ASAP1: variants seen among roughly 807,000 people sequenced by gnomAD.
ASAP1 encodes ArfGAP with SH3 domain, ankyrin repeat and PH domain 1.
ASAP1 carries 43 observed loss-of-function variants against 145.2 expected under a neutral mutation model. That is an observed-to-expected ratio of 0.30 (90% CI 0.23 to 0.38). The LOEUF (loss-of-function observed/expected upper bound fraction) is 0.38. Among genes scored for constraint, ASAP1 ranks in the 10% least tolerant of loss-of-function variants. ASAP1 has a pLI of 1.00. For missense variants in ASAP1, 1,018 were observed against 1,355.3 expected (o/e 0.75, Z 3.91); for synonymous variants, 546 against 515.5 (o/e 1.06, Z -0.80).
chr8:130,376,080 G>A (rs1370719131), intron 2 of ASAP1, among the ~76,000 whole-genome samples: 1 of 152,186 alleles, frequency 6.6e-6, no homozygotes, highest in Non-Finnish European at 1.5e-5. Flanking sequence ...GAGCTTCCAG[G>A]AAATGTGGGC....
At chr8:130,311,345 C>T (rs2137541910) in intron 3 of ASAP1, among the ~76,000 whole-genome samples, 1 of 152,348 alleles carries the variant, frequency 6.6e-6, no homozygotes. Flanking sequence ...AAATTTACGT[C>T]TAAAATAACA....
At chr8:130,097,594 T>C (rs1280298664) in intron 24 of ASAP1, among the ~76,000 whole-genome samples, 2 of 152,194 alleles carry the variant, frequency 1.3e-5, no homozygotes, top group Non-Finnish European at 1.5e-5. Flanking sequence ...ATGTCAGAAG[T>C]GTGCCCGGCA....
intron 7 of ASAP1, among the ~76,000 whole-genome samples, chr8:130,182,594 C>A (rs1040567287): frequency 6.6e-6 from 1 of 152,050 alleles, no homozygotes; most frequent in Non-Finnish European, 1.5e-5. Context: ...GAAAGCAGAT[C>A]TCTAATGATG....
chr8:130,268,682 G>A (rs1439854071), intron 3 of ASAP1, among the ~76,000 whole-genome samples: 1 of 152,126 alleles, frequency 6.6e-6, no homozygotes, highest in Non-Finnish European at 1.5e-5. Context: ...AGTTGGGTTA[G>A]AGTAGTGGGA....
At chr8:130,107,893 AGAG>A (rs1305497029) in intron 24 of ASAP1, among the ~76,000 whole-genome samples, 1 of 152,206 alleles carries the variant, frequency 6.6e-6, no homozygotes, top group Non-Finnish European at 1.5e-5. Flanking sequence ...GCTTCTTGGA[AGAG>A]GAGAAGGTGA....
intron 2 of ASAP1, among the ~76,000 whole-genome samples, chr8:130,377,648 C>T (rs1030358512): frequency 6.6e-6 from 1 of 152,232 alleles, no homozygotes; most frequent in African/African-American, 2.4e-5. Flanking sequence ...GCTCCAGACA[C>T]ATCTCAGGGC....
intron 3 of ASAP1, among the ~76,000 whole-genome samples, chr8:130,326,352 G>GT (rs1282200446): frequency 6.6e-6 from 1 of 152,230 alleles, no homozygotes; most frequent in African/African-American, 2.4e-5. Context: ...TGCCTGCAAT[G>GT]TAAGGGCCAC....
At chr8:130,287,610 C>A (rs1054968814) in intron 3 of ASAP1, among the ~76,000 whole-genome samples, 2 of 152,130 alleles carry the variant, frequency 1.3e-5, no homozygotes, top group African/African-American at 4.8e-5. Flanking sequence ...CCAAGGAAGG[C>A]GAGTTCTGTG....
At chr8:130,171,025 A>C (rs1381109289) in intron 9 of ASAP1, among the ~76,000 whole-genome samples, 4 of 152,150 alleles carry the variant, frequency 2.6e-5, no homozygotes, top group Non-Finnish European at 5.9e-5. Flanking sequence ...CTAAACCCTT[A>C]TTTTCTAGCA....
At position 130,053,065 on chromosome 8, in the gene ASAP1, A is replaced by C. The variant is rs1163782276; in HGVS notation, c.*1666T>G. The C allele has an allele frequency of 1.3e-5, 2 of 152,196 alleles. No individual in the cohort carries two copies. Among genetic ancestry groups the C allele is most frequent in the African/African-American group, 2.4e-5 (1 of 41,446 alleles). The allele number at this position is 152,196 out of a possible 1,614,324, so 9.4% of individuals were successfully genotyped here. On this transcript the variant is annotated 3_prime_UTR_variant, in exon 30 of 30. Coordinates refer to ENST00000518721, the MANE Select transcript of ASAP1 (RefSeq NM_018482.4). Reference sequence around the variant, plus strand: ...AAAATATTTTGCAGGTTTGTCATGCAAGGTTTATTTATTAGGTGGCTATTC... The same window carrying C: ...AAAATATTTTGCAGGTTTGTCATGCCAGGTTTATTTATTAGGTGGCTATTC...
chr8:130,107,608 T>C (rs1297632872), intron 24 of ASAP1, among the ~76,000 whole-genome samples: 1 of 151,306 alleles, frequency 6.6e-6, no homozygotes, highest in African/African-American at 2.4e-5. Flanking sequence ...AGTGCAGTGG[T>C]GCCATCTTGG....
At chr8:130,155,922 T>C (rs1287534916) in intron 12 of ASAP1, among the ~76,000 whole-genome samples, 1 of 152,234 alleles carries the variant, frequency 6.6e-6, no homozygotes, top group East Asian at 1.9e-4. Flanking sequence ...AATTCCAACT[T>C]TGATGCCAGA....
chr8:130,121,002 T>C (rs1308384790), intron 18 of ASAP1, among the ~76,000 whole-genome samples: 1 of 152,244 alleles, frequency 6.6e-6, no homozygotes, highest in African/African-American at 2.4e-5. Flanking sequence ...TTTTTGTTAA[T>C]GCTACTATCT....
intron 13 of ASAP1, 132 bp from the exon 14 acceptor site, chr8:130,137,170 A>G (rs2097596855): frequency 1.4e-6 from 1 of 739,316 alleles, no homozygotes; most frequent in Admixed American, 2.2e-5. Context: ...TCAGCAAAGA[A>G]GAAACAGACA....
intron 9 of ASAP1, among the ~76,000 whole-genome samples, chr8:130,175,179 T>C (rs560214936): frequency 2.6e-5 from 4 of 152,196 alleles, no homozygotes; most frequent in Non-Finnish European, 5.9e-5. Flanking sequence ...CACCGACTAA[T>C]GATGTTGAGC....
chr8:130,242,793 G>GA (rs1818618340), intron 3 of ASAP1, among the ~76,000 whole-genome samples: 1 of 152,100 alleles, frequency 6.6e-6, no homozygotes, highest in Admixed American at 6.6e-5. Context: ...CCAGAAGAAA[G>GA]AATTGACAAT....
intron 3 of ASAP1, among the ~76,000 whole-genome samples, chr8:130,341,595 G>T (rs1825384438): frequency 6.6e-6 from 1 of 152,178 alleles, no homozygotes; most frequent in Admixed American, 6.5e-5. Context: ...TCAACAGCCT[G>T]GCACCTCTTA....
intron 11 of ASAP1, chr8:130,160,917 T>C (rs965878016): frequency 9.7e-5 from 64 of 656,516 alleles, no homozygotes; most frequent in Non-Finnish European, 1.4e-4. Flanking sequence ...AAAATATCAC[T>C]GTAAAGATAA....
intron 3 of ASAP1, among the ~76,000 whole-genome samples, chr8:130,296,441 A>C (rs1243212065): frequency 6.6e-6 from 1 of 152,066 alleles, no homozygotes; most frequent in Non-Finnish European, 1.5e-5. Context: ...TCCAGGGCAA[A>C]ACTCTGTGGA....
Sources: gnomAD v4.1 joint callset for allele counts (sites outside exome capture counted in the v4.1 genomes callset) on GRCh38, gnomAD v4.1.1 for gene constraint, MANE v1.5 for transcripts, NCBI Gene and HGNC (gene_info 2026-07-23, HGNC 2026-07-21) for gene names.